The following STK3 variants were observed in gnomAD, a reference collection of about 807,000 sequenced individuals.
STK3 encodes the protein serine/threonine-protein kinase 3.
STK3 carries 41 observed loss-of-function variants against 58.0 expected under a neutral mutation model. That is an observed-to-expected ratio of 0.71 (90% CI 0.55 to 0.92). The LOEUF (loss-of-function observed/expected upper bound fraction) is 0.92. Among genes scored for constraint, STK3 ranks in the 40% least tolerant of loss-of-function variants. The probability of loss-of-function intolerance (pLI) is 0.00; values close to 1 mark genes in which losing one functional copy is unlikely to be tolerated. For synonymous variants in STK3, 170 were observed against 191.0 expected (o/e 0.89, Z 0.91); for missense variants, 479 against 602.7 (o/e 0.79, Z 2.15).
At chr8:98,705,199 T>C (rs1331783595) in intron 6 of STK3, among the ~76,000 whole-genome samples, 3 of 152,120 alleles carry the variant, frequency 2.0e-5, no homozygotes, top group African/African-American at 7.2e-5. Flanking sequence ...GGTGGGCGGA[T>C]CGCTTGAGCC....
At chr8:98,488,503 T>C (rs1822444838) in intron 10 of STK3, among the ~76,000 whole-genome samples, 1 of 152,158 alleles carries the variant, frequency 6.6e-6, no homozygotes, top group African/African-American at 2.4e-5. Context: ...AGAGAAAATC[T>C]AGAGTTTATT....
chr8:98,920,766 G>T (rs1839528949), intron 1 of STK3, among the ~76,000 whole-genome samples: 1 of 152,256 alleles, frequency 6.6e-6, no homozygotes, highest in Non-Finnish European at 1.5e-5. Flanking sequence ...GCAAGAGGCT[G>T]AGGTTAGAAC....
intron 6 of STK3, among the ~76,000 whole-genome samples, chr8:98,692,227 CA>C (rs796586882): frequency 2.7e-4 from 41 of 152,110 alleles, no homozygotes; most frequent in Middle Eastern, 3.4e-3. Flanking sequence ...GGAGGTTCCT[CA>C]AAAAATAAAA....
chr8:98,607,216 C>G (rs1010432752), intron 6 of STK3, among the ~76,000 whole-genome samples: 4 of 152,334 alleles, frequency 2.6e-5, no homozygotes, highest in Middle Eastern at 6.8e-3. Context: ...GTTTCTCTAA[C>G]AGCTTTTCTC....
At chr8:98,712,538 G>T (rs1313252842) in intron 4 of STK3, among the ~76,000 whole-genome samples, 1 of 151,170 alleles carries the variant, frequency 6.6e-6, no homozygotes, top group African/African-American at 2.4e-5. Context: ...AGACAAAGAA[G>T]GCCATTACAT....
intron 8 of STK3, among the ~76,000 whole-genome samples, chr8:98,559,180 T>C (rs541443167): frequency 1.3e-5 from 2 of 152,284 alleles, no homozygotes; most frequent in Admixed American, 1.3e-4. Context: ...TCCTTAATGA[T>C]GAGTAAAAGT....
chr8:98,700,357 G>A lies in STK3; in HGVS notation c.684+6110C>T, dbSNP rs183723798. Among the ~76,000 whole-genome samples the A allele has an allele frequency of 5.2e-4, 79 of 152,294 alleles. No individual in the cohort carries two copies. In the East Asian group the frequency reaches 0.01, roughly 20 times the overall value. On this transcript the variant is annotated intron_variant, in intron 6 of 10. Coordinates refer to ENST00000419617, the MANE Select transcript of STK3 (RefSeq NM_006281.4). ...CCTCGCCCTGCTTCGGCTCGCGCAC[G>A]GTGCACTGCATCCACTGTCCTGCGC...
intron 3 of STK3, among the ~76,000 whole-genome samples, chr8:98,419,563 T>C (rs1818148683): frequency 6.6e-6 from 1 of 152,276 alleles, no homozygotes; most frequent in South Asian, 2.1e-4. Context: ...CAACCAGGAC[T>C]CCTAGAGAGC....
At chr8:98,780,477 T>C (rs956054321) in intron 1 of STK3, among the ~76,000 whole-genome samples, 1 of 152,210 alleles carries the variant, frequency 6.6e-6, no homozygotes, top group African/African-American at 2.4e-5. Flanking sequence ...CCTTTTCTTA[T>C]GTGTATACAA....
chr8:98,346,239 C>T, the STK3 span, among the ~76,000 whole-genome samples: 2 of 149,510 alleles, frequency 1.3e-5, no homozygotes, highest in Admixed American at 1.3e-4. Flanking sequence ...GAGCTGAGAT[C>T]ACGCCATTGC....
intron 8 of STK3, among the ~76,000 whole-genome samples, chr8:98,571,146 A>G (rs1812930498): frequency 6.6e-6 from 1 of 152,164 alleles, no homozygotes; most frequent in Non-Finnish European, 1.5e-5. Flanking sequence ...CCTGGCCAAC[A>G]TGGCTAAACC....
chr8:98,932,382 G>A (rs1840032187), intron 1 of STK3, among the ~76,000 whole-genome samples: 1 of 152,158 alleles, frequency 6.6e-6, no homozygotes, highest in South Asian at 2.1e-4. Flanking sequence ...CATTGGAGGA[G>A]GTCTTTAAAT....
intron 3 of STK3, among the ~76,000 whole-genome samples, chr8:98,859,794 C>A (rs1056617100): frequency 6.6e-6 from 1 of 152,222 alleles, no homozygotes; most frequent in Non-Finnish European, 1.5e-5. Context: ...ACCCAGACAG[C>A]ATTTCTTGGG....
intron 8 of STK3, chr8:98,553,242 T>C (rs1369578176): frequency 2.6e-5 from 4 of 152,164 alleles, no homozygotes; most frequent in Non-Finnish European, 4.4e-5. Context: ...CACCCCAAGA[T>C]TGAATTAGGT....
In STK3 at chr8:98,858,290, G is replaced by GTATATA. The variant is rs71572027; in HGVS notation, c.110+25351_110+25356dup. Reference sequence around the variant, plus strand: ...CCAGCTACAGTATATACATACATACGTATATATATATATATATATATATAT... The same window carrying GTATATA: ...CCAGCTACAGTATATACATACATACGTATATATATATATATATATATATATATATAT... On this transcript the variant is annotated intron_variant, in intron 3 of 12. Coordinates refer to the STK3 transcript ENST00000523601. Among the ~76,000 whole-genome samples the GTATATA allele has an allele frequency of 4.2e-3, 143 of 34,350 alleles. 7 individuals carry two copies. Among genetic ancestry groups the GTATATA allele is most frequent in the East Asian group, 6.7e-3 (5 of 744 alleles). 22.5% of individuals were successfully genotyped at this position (34,350 alleles called of 152,430 possible).
At chr8:98,712,137 T>C (rs546128012) in intron 4 of STK3, among the ~76,000 whole-genome samples, 2 of 152,164 alleles carry the variant, frequency 1.3e-5, no homozygotes, top group Non-Finnish European at 2.9e-5. Context: ...AAGGAAGCAA[T>C]AAACATGGAA....
chr8:98,486,343 C>T (rs1465212161), intron 10 of STK3, among the ~76,000 whole-genome samples: 1 of 152,110 alleles, frequency 6.6e-6, no homozygotes, highest in Admixed American at 6.5e-5. Flanking sequence ...AACAGACATA[C>T]AAACAACTAA....
chr8:98,663,339 T>C (rs1822104262), intron 6 of STK3, among the ~76,000 whole-genome samples: 2 of 152,132 alleles, frequency 1.3e-5, no homozygotes, highest in African/African-American at 4.8e-5. Flanking sequence ...TCACACCAGT[T>C]AGAATGGCAA....
chr8:98,631,141 A>G (rs1819192704), intron 6 of STK3, among the ~76,000 whole-genome samples: 1 of 152,120 alleles, frequency 6.6e-6, no homozygotes, highest in African/African-American at 2.4e-5. Flanking sequence ...TACCTGGACT[A>G]CTGAAGAAGT....
Sources: gnomAD v4.1 joint callset for allele counts (sites outside exome capture counted in the v4.1 genomes callset) on GRCh38, gnomAD v4.1.1 for gene constraint, MANE v1.5 for transcripts, NCBI Gene and HGNC (gene_info 2026-07-23, HGNC 2026-07-21) for gene names.